LYST: variants seen among roughly 807,000 people sequenced by gnomAD.
LYST encodes the protein lysosomal-trafficking regulator.
A neutral mutation model predicts 413.6 loss-of-function variants in LYST; 192 were observed. That is an observed-to-expected ratio of 0.46 (90% CI 0.41 to 0.52). The LOEUF (loss-of-function observed/expected upper bound fraction) is 0.52, where lower values mean the gene tolerates loss of function less well. LYST is among the 20% of genes least tolerant of loss of function. LYST has a pLI of 0.00. For missense variants in LYST, 3,815 were observed against 4,499.9 expected (o/e 0.85, Z 4.35); for synonymous variants, 1,525 against 1,567.3 (o/e 0.97, Z 0.64).
At chr1:235,802,381 A>T (rs1353217217) in intron 8 of LYST, among the ~76,000 whole-genome samples, 1 of 152,026 alleles carries the variant, frequency 6.6e-6, no homozygotes, top group African/African-American at 2.4e-5. Context: ...CCTAAAGACA[A>T]ATTGAGCTGT....
intron 12 of LYST, among the ~76,000 whole-genome samples, chr1:235,790,027 T>A (rs905523191): frequency 4.6e-5 from 7 of 152,304 alleles, no homozygotes; most frequent in African/African-American, 1.7e-4. Flanking sequence ...ATATTCTTTA[T>A]CTCTCTTCAA....
intron 1 of LYST, among the ~76,000 whole-genome samples, chr1:235,879,349 TC>T (rs1291804689): frequency 6.6e-6 from 1 of 152,160 alleles, no homozygotes; most frequent in Non-Finnish European, 1.5e-5. Flanking sequence ...GCAAGACAAA[TC>T]TTTGGCCACT....
intron 49 of LYST, 32 bp downstream of exon 49, chr1:235,677,448 G>C (rs1430564850): frequency 6.8e-6 from 11 of 1,608,102 alleles, no homozygotes; most frequent in South Asian, 1.1e-5. Context: ...TATTAAAAAT[G>C]CTATGTTTGA....
chr1:235,679,805 A>T (rs1193428169), intron 48 of LYST, among the ~76,000 whole-genome samples: 3 of 151,806 alleles, frequency 2.0e-5, no homozygotes, highest in African/African-American at 4.8e-5. Flanking sequence ...CTCTCTTGGC[A>T]CTCCCCAGCT....
At chr1:235,713,793 C>T (rs1662603395) in intron 42 of LYST, among the ~76,000 whole-genome samples, 1 of 152,200 alleles carries the variant, frequency 6.6e-6, no homozygotes, top group Admixed American at 6.5e-5. Flanking sequence ...CAAAAGCCAA[C>T]AGATATCACT....
intron 12 of LYST, 75 bp from the exon 13 acceptor site, chr1:235,788,920 T>C: frequency 1.4e-6 from 2 of 1,398,938 alleles, no homozygotes; most frequent in Non-Finnish European, 2.0e-6. Context: ...TTTAGAAGAA[T>C]ACAAAGCAAA....
chr1:235,863,679 T>A (rs1680166431), intron 1 of LYST, among the ~76,000 whole-genome samples: 2 of 152,106 alleles, frequency 1.3e-5, no homozygotes. Flanking sequence ...ACTAGGTTGG[T>A]CCAAAAGAAT....
At chr1:235,748,807 T>G (rs1666172219) in intron 28 of LYST, among the ~76,000 whole-genome samples, 1 of 152,172 alleles carries the variant, frequency 6.6e-6, no homozygotes, top group Non-Finnish European at 1.5e-5. Flanking sequence ...GAAACTTTGG[T>G]TCCAAGTCAT....
rs887038557 is a variant in LYST, at chr1:235,820,637, C to T, written c.193-7576G>A. Among the ~76,000 whole-genome samples, 20 of 152,106 alleles carry T rather than the reference C, an allele frequency of 1.3e-4. 1 individual carries two copies. The highest frequency in any genetic ancestry group is 2.8e-4 in the Non-Finnish European group (19 of 67,992). On this transcript the variant is annotated intron_variant, in intron 3 of 52. Coordinates refer to ENST00000389793, the MANE Select transcript of LYST (RefSeq NM_000081.4). Reference sequence around the variant, plus strand: ...CTGTCTGCCTTGGCCTCTCAAAGTGCTAGGATTACAGGGGTGAACCACCAC... The same window carrying T: ...CTGTCTGCCTTGGCCTCTCAAAGTGTTAGGATTACAGGGGTGAACCACCAC...
chr1:235,854,637 T>C lies in LYST; in HGVS notation c.-98+12206A>G, dbSNP rs984374653. Among the ~76,000 whole-genome samples the C allele has an allele frequency of 6.6e-6, 1 of 152,182 alleles. No individual in the cohort carries two copies. The highest frequency in any genetic ancestry group is 2.4e-5 in the African/African-American group (1 of 41,434). On this transcript the variant is annotated intron_variant, in intron 1 of 52. Coordinates refer to ENST00000389793, the MANE Select transcript of LYST (RefSeq NM_000081.4). This position sits in a 1 kb window ranked among gnomAD's most constrained non-coding sequence, Gnocchi z 4.1. ...ACAACTGAGTTCATAAGAGTAGCTG[T>C]AGTTGTTGCGAATATCAACATTAAA...
chr1:235,778,579 G>C (rs1669547794), intron 16 of LYST, among the ~76,000 whole-genome samples: 1 of 151,752 alleles, frequency 6.6e-6, no homozygotes. Context: ...TCACCATGTT[G>C]GCCAGGCTGG....
chr1:235,792,852 C>T (rs757965999), intron 11 of LYST, among the ~76,000 whole-genome samples: 4 of 151,704 alleles, frequency 2.6e-5, no homozygotes, highest in South Asian at 2.1e-4. Flanking sequence ...TTAGTAGAGA[C>T]GGGGTTTCAT....
chr1:235,777,422 T>A, intron 16 of LYST, 114 bp from the exon 17 acceptor site: 1 of 897,794 alleles, frequency 1.1e-6, no homozygotes, highest in Non-Finnish European at 1.8e-6. Flanking sequence ...TTTCTTTGTT[T>A]AAAAAACAAC....
rs1176878134 is a variant in LYST, at chr1:235,820,375, CT to C, written c.193-7315del. ...AATAGGTATTTCTTTTCTTTTCTTT[CT>C]TTTTTTTTTTTGAGACAGGGTTTCA... On this transcript the variant is annotated intron_variant, in intron 3 of 52. Transcript: ENST00000389793. Among the ~76,000 whole-genome samples the C allele has an allele frequency of 2.4e-3, 344 of 144,776 alleles. 1 individual carries two copies. Among genetic ancestry groups the C allele is most frequent in the Non-Finnish European group, 1.9e-3 (121 of 65,382 alleles). The allele number at this position is 144,776 out of a possible 152,430, so 95.0% of individuals were successfully genotyped here. A position where few individuals can be genotyped will look rare whatever the true frequency, so the allele number is the denominator to read the frequency against.
intron 20 of LYST, among the ~76,000 whole-genome samples, chr1:235,767,794 C>T (rs1668287114): frequency 6.6e-6 from 1 of 152,152 alleles, no homozygotes; most frequent in Non-Finnish European, 1.5e-5. Context: ...TTGCCTTATC[C>T]ATGCTATTGA....
At position 235,801,082 on chromosome 1, in the gene LYST, G is replaced by T. The variant is rs1260790455; in HGVS notation, c.3728C>A (p.Ser1243Tyr). 1 of 1,607,026 alleles carries T rather than the reference G, an allele frequency of 6.2e-7. No individual in the cohort carries two copies. Among genetic ancestry groups the T allele is most frequent in the Admixed American group, 1.7e-5 (1 of 60,006 alleles). Residue 1243 changes from serine (S) to tyrosine (Y), a missense_variant, in exon 9 of 53, where the codon TCT becomes TAT. Transcript: ENST00000389793. ...TGATGCACTGAAACCTTCTGTTTCA[G>T]ACTTTAAGTCTACCCCTGAAAAGAG... ...ETQDDGVDLK[S>Y]ETEGFSASSS...
Position 235,702,635 on chromosome 1 carries a change from C to T in LYST, c.10374+112G>A, listed in dbSNP as rs1174693472. ...CGCTGCTGCACCTGTCTTGCACTGA[C>T]TGGCACACAGCTTTAGGCCAGGACC... On this transcript the variant is annotated intron_variant, in intron 45 of 52. Coordinates refer to ENST00000389793, the MANE Select transcript of LYST (RefSeq NM_000081.4). The T allele has an allele frequency of 1.3e-5, 12 of 892,112 alleles. No individual in the cohort carries two copies. The South Asian group carries it at 1.5e-4, about 11-fold the overall frequency. The allele number at this position is 892,112 out of a possible 1,614,324, so 55.3% of individuals were successfully genotyped here.
Position 235,749,475 on chromosome 1 carries a change from T to C in LYST, c.7780+1735A>G, listed in dbSNP as rs534454912. Reference sequence around the variant, plus strand: ...TGGGTCCTAAGAGATACCATAGACCTGGGATGAGTAGATGTGGTGCAGGAC... The same window carrying C: ...TGGGTCCTAAGAGATACCATAGACCCGGGATGAGTAGATGTGGTGCAGGAC... On this transcript the variant is annotated intron_variant, in intron 28 of 52. Coordinates refer to ENST00000389793, the MANE Select transcript of LYST (RefSeq NM_000081.4). Among the ~76,000 whole-genome samples, 5 of 152,064 alleles carry C rather than the reference T, an allele frequency of 3.3e-5. No homozygotes were observed. The East Asian group carries it at 7.7e-4, about 24-fold the overall frequency.
rs547065168 is a variant in LYST at position 235,665,480 on chromosome 1, C to G, written c.11039-859G>C. On this transcript the variant is annotated intron_variant, in intron 50 of 52. Coordinates refer to ENST00000389793, the MANE Select transcript of LYST (RefSeq NM_000081.4). ...CAAAAAAATTAGCCAGGGGTGGTGG[C>G]GGGCGCCTGTAGTTCCAGCTACTAG... 8.2e-4 allele frequency among the ~76,000 whole-genome samples: 125 copies of G among 151,768 alleles called. 1 individual carries two copies. The highest frequency in any genetic ancestry group is 2.7e-3 in the African/African-American group (113 of 41,460).
Sources: gnomAD v4.1 joint callset for allele counts (sites outside exome capture counted in the v4.1 genomes callset) on GRCh38, gnomAD v4.1.1 for gene constraint, Gnocchi (gnomAD v3.1) non-coding constraint, MANE v1.5 for transcripts, NCBI Gene and HGNC (gene_info 2026-07-23, HGNC 2026-07-21) for gene names.